Variants in ECE1 observed in about 807,000 individuals in gnomAD.
ECE1 encodes endothelin-converting enzyme 1.
In ECE1, 35 loss-of-function variants were observed where a neutral mutation model predicts 98.6. The ratio of observed to expected loss-of-function variants is 0.35; its 90% CI spans 0.27 to 0.47. The LOEUF is 0.47. Ranked by LOEUF, ECE1 falls within the 20% of genes least tolerant of loss-of-function variation. The pLI, the probability that ECE1 is intolerant of heterozygous loss-of-function variation, is 1.00. For missense variants in ECE1, 814 were observed against 1,025.3 expected (o/e 0.79, Z 2.81); for synonymous variants, 394 against 407.1 (o/e 0.97, Z 0.39).
chr1:21,242,569 G>T (rs1210957118), intron 10 of ECE1, among the ~76,000 whole-genome samples: 1 of 152,170 alleles, frequency 6.6e-6, no homozygotes, highest in African/African-American at 2.4e-5. Context: ...GGGAGGGCTG[G>T]AGATTAAGAA....
At chr1:21,303,257 C>T (rs1345030563) in intron 1 of ECE1, among the ~76,000 whole-genome samples, 1 of 152,256 alleles carries the variant, frequency 6.6e-6, no homozygotes, top group Admixed American at 6.5e-5. Context: ...AAGCTCCGCC[C>T]AAGTGGCATA....
At chr1:21,339,608 T>C (rs1639364155) in intron 1 of ECE1, among the ~76,000 whole-genome samples, 2 of 152,230 alleles carry the variant, frequency 1.3e-5, no homozygotes, top group African/African-American at 4.8e-5. Context: ...TGTCTCTCAG[T>C]CTTCCCACTT....
intron 1 of ECE1, among the ~76,000 whole-genome samples, chr1:21,308,293 AG>A (rs1262351053): frequency 6.6e-6 from 1 of 152,150 alleles, no homozygotes; most frequent in African/African-American, 2.4e-5. Flanking sequence ...ACACCCTGCT[AG>A]GGCCTAGCCA....
At chr1:21,237,366 G>A (rs1438712877) in intron 11 of ECE1, among the ~76,000 whole-genome samples, 1 of 152,162 alleles carries the variant, frequency 6.6e-6, no homozygotes. Context: ...GAAAGTTGAA[G>A]GTTCTAGAGA....
intron 3 of ECE1, among the ~76,000 whole-genome samples, chr1:21,276,517 C>T (rs1010703856): frequency 4.6e-5 from 7 of 152,090 alleles, no homozygotes; most frequent in African/African-American, 1.7e-4. Context: ...GTGTAGAATG[C>T]TTTCTTTAAA....
chr1:21,271,107 C>T (rs1390920291), intron 4 of ECE1, among the ~76,000 whole-genome samples: 2 of 152,208 alleles, frequency 1.3e-5, no homozygotes, highest in Non-Finnish European at 2.9e-5. Context: ...GGCTTTGCTG[C>T]TTCGGACATA....
chr1:21,310,027 T>C (rs936832264), intron 1 of ECE1, among the ~76,000 whole-genome samples: 2 of 150,646 alleles, frequency 1.3e-5, no homozygotes, highest in Non-Finnish European at 2.9e-5. Context: ...CCTGACCTCG[T>C]GTCGTGATCC....
Position 21,345,391 on chromosome 1 carries a change from C to T in ECE1, c.-13G>A, listed in dbSNP as rs1166524451. Reference sequence around the variant, plus strand: ...CAGCACTCACCATAGCTCGCGTGCTCCGCCCCGGCTTCGCGCAGCTCCCCG... The same window carrying T: ...CAGCACTCACCATAGCTCGCGTGCTTCGCCCCGGCTTCGCGCAGCTCCCCG... On this transcript the variant is annotated 5_prime_UTR_variant, in exon 1 of 19. Transcript: ENST00000415912. The surrounding 1 kb of genome is among the most constrained non-coding windows in gnomAD (Gnocchi z 5.1). 6 of 1,339,146 alleles carry T rather than the reference C, an allele frequency of 4.5e-6. 1 individual carries two copies. In the Middle Eastern group the frequency reaches 8.3e-4, roughly 186 times the overall value. The allele number at this position is 1,339,146 out of a possible 1,614,324, so 83.0% of individuals were successfully genotyped here. A position where few individuals can be genotyped will look rare whatever the true frequency, so the allele number is the denominator to read the frequency against.
chr1:21,249,067 G>C (rs528205566), intron 8 of ECE1, among the ~76,000 whole-genome samples: 6 of 152,146 alleles, frequency 3.9e-5, no homozygotes, highest in African/African-American at 1.4e-4. Context: ...TGATTACAAA[G>C]TTGCGCAACT....
chr1:21,283,427 C>T (rs962130641), intron 2 of ECE1, among the ~76,000 whole-genome samples: 6 of 151,990 alleles, frequency 3.9e-5, no homozygotes, highest in Non-Finnish European at 5.9e-5. Context: ...TCCGCCACCA[C>T]GCCGGGCTAA....
rs749223419 is a variant in ECE1 at position 21,260,170 on chromosome 1, G to T, written c.615+101C>A. On this transcript the variant is annotated intron_variant, in intron 5 of 18. Coordinates refer to ENST00000374893, the MANE Select transcript of ECE1 (RefSeq NM_001397.3). The surrounding 1 kb of genome is among the most constrained non-coding windows in gnomAD (Gnocchi z 4.3). ...TTTCTCTTGGTGCTACCGGCTGGAC[G>T]TATGAGGTGGGCCAGTGGTACCAGA... 11 of 1,531,960 alleles carry T rather than the reference G, an allele frequency of 7.2e-6. No homozygotes were observed. The highest frequency in any genetic ancestry group is 2.7e-5 in the African/African-American group (2 of 73,318). 94.9% of individuals were successfully genotyped at this position (1,531,960 alleles called of 1,614,324 possible).
Position 21,220,363 on chromosome 1 carries a change from G to A in ECE1, c.2137-232C>T, listed in dbSNP as rs1251234781. 6.6e-6 allele frequency among the ~76,000 whole-genome samples: 1 copy of A among 152,144 alleles called. No individual in the cohort carries two copies. Among genetic ancestry groups the A allele is most frequent in the East Asian group, 1.9e-4 (1 of 5,186 alleles). On this transcript the variant is annotated intron_variant, in intron 18 of 18. Coordinates refer to ENST00000374893, the MANE Select transcript of ECE1 (RefSeq NM_001397.3). The surrounding 1 kb of genome is among the most constrained non-coding windows in gnomAD (Gnocchi z 5.0). ...TTAAAAAAAAAATTAACCAGGGATG[G>A]TGGTGTACACCTATGGTCCCAGCTC...
intron 13 of ECE1, among the ~76,000 whole-genome samples, chr1:21,234,176 C>T (rs1029656921): frequency 7.3e-5 from 11 of 151,602 alleles, no homozygotes; most frequent in African/African-American, 7.3e-5. Context: ...TTAGTAAAGA[C>T]GGGGTTTCAC....
At chr1:21,236,649 CA>C in intron 12 of ECE1, 96 bp downstream of exon 12, 4 of 1,260,554 alleles carry the variant, frequency 3.2e-6, no homozygotes, top group South Asian at 2.4e-5. Context: ...AACTCTGCCT[CA>C]AAAAACAAAC....
chr1:21,222,899 A>C (rs2103204830), intron 17 of ECE1, among the ~76,000 whole-genome samples: 1 of 151,364 alleles, frequency 6.6e-6, no homozygotes, highest in East Asian at 1.9e-4. Flanking sequence ...AGCCAGCTGC[A>C]ACGCCAAGAA....
Position 21,245,029 on chromosome 1 carries a change from G to A in ECE1, c.1238C>T (p.Ala413Val). 1 of 1,614,176 alleles carries A rather than the reference G, an allele frequency of 6.2e-7. No individual in the cohort carries two copies. The highest frequency in any genetic ancestry group is 8.5e-7 in the Non-Finnish European group (1 of 1,180,028). ...CATGACTTCCATGAACTTCTCATCG[G>A]CGTCCTGAAAGCGCTGGTCAAGGAA... is the stretch of plus-strand genomic sequence containing the variant. ...SSFLDQRFQD[A>V]DEKFMEVMYG... Residue 413 changes from alanine (A) to valine (V), a missense_variant, in exon 10 of 19, where the codon GCC becomes GTC. Ala to Val is a moderately conservative substitution (Grantham distance 64, BLOSUM62 0). This residue lies in a region of ECE1 where 452 missense variants were observed against 567.3 expected (regional missense o/e 0.80). Transcript: ENST00000374893.
At chr1:21,331,349 A>G (rs1639196745) in intron 1 of ECE1, among the ~76,000 whole-genome samples, 1 of 152,098 alleles carries the variant, frequency 6.6e-6, no homozygotes, top group Non-Finnish European at 1.5e-5. Context: ...AATTGCAATG[A>G]GCCGAGATCA....
Position 21,339,820 on chromosome 1 carries a change from G to A in ECE1, c.3+5556C>T, listed in dbSNP as rs142504682. 5.5e-3 allele frequency among the ~76,000 whole-genome samples: 838 copies of A among 152,126 alleles called. 10 individuals are homozygous for A. The highest frequency in any genetic ancestry group is 0.019 in the African/African-American group (777 of 41,396). On this transcript the variant is annotated intron_variant, in intron 1 of 18. Coordinates refer to the ECE1 transcript ENST00000415912. ...CCAAAGGGGCCCTGTTGGGAGGAGGGAGCCATTCCTAGGCTTGTCAGCCCA... is the reference window on the plus strand; with the variant it reads ...CCAAAGGGGCCCTGTTGGGAGGAGGAAGCCATTCCTAGGCTTGTCAGCCCA...
At chr1:21,338,749 T>A (rs1313169589) in intron 1 of ECE1, among the ~76,000 whole-genome samples, 1 of 152,214 alleles carries the variant, frequency 6.6e-6, no homozygotes, top group Non-Finnish European at 1.5e-5. Flanking sequence ...TTGCTTTCAA[T>A]GACCAGATCA....
Sources: allele counts gnomAD v4.1 joint callset (sites outside exome capture counted in the v4.1 genomes callset), GRCh38; gene constraint gnomAD v4.1.1; regional missense constraint gnomAD v4.1.1; non-coding constraint Gnocchi (gnomAD v3.1); transcripts MANE v1.5; gene names NCBI Gene and HGNC (gene_info 2026-07-23, HGNC 2026-07-21).